SLC4A10: variants seen among roughly 807,000 people sequenced by gnomAD.
SLC4A10 encodes sodium-driven chloride bicarbonate exchanger.
In SLC4A10, 42 loss-of-function variants were observed where a neutral mutation model predicts 137.7. The ratio of observed to expected loss-of-function variants is 0.30; its 90% CI spans 0.24 to 0.39. The LOEUF (loss-of-function observed/expected upper bound fraction) is 0.39, where lower values mean the gene tolerates loss of function less well. Among genes scored for constraint, SLC4A10 ranks in the 10% least tolerant of loss-of-function variants. SLC4A10 has a pLI of 1.00. For synonymous variants in SLC4A10, 474 were observed against 464.1 expected, an observed-to-expected ratio of 1.02 and a Z score of -0.27; for missense variants, 925 against 1,355.0, an observed-to-expected ratio of 0.68 and a Z score of 4.98.
chr2:161,932,108 T>A (rs1690506337), intron 15 of SLC4A10, among the ~76,000 whole-genome samples: 1 of 152,202 alleles, frequency 6.6e-6, no homozygotes, highest in Non-Finnish European at 1.5e-5. Flanking sequence ...GGGCCTTTTT[T>A]TTCTGAGATA....
At chr2:161,703,085 G>A (rs922537800) in intron 1 of SLC4A10, among the ~76,000 whole-genome samples, 68 of 151,766 alleles carry the variant, frequency 4.5e-4, no homozygotes, top group African/African-American at 1.6e-3. Flanking sequence ...ACTGTAAATA[G>A]ATATAACCCT....
chr2:161,700,175 T>C (rs915748083), intron 1 of SLC4A10, among the ~76,000 whole-genome samples: 2 of 152,172 alleles, frequency 1.3e-5, no homozygotes, highest in Non-Finnish European at 2.9e-5. Flanking sequence ...TTGATGAGAT[T>C]GGAAAGATCT....
chr2:161,915,964 A>G (rs1687026893), intron 15 of SLC4A10, among the ~76,000 whole-genome samples: 2 of 152,158 alleles, frequency 1.3e-5, no homozygotes, highest in Non-Finnish European at 2.9e-5. Context: ...TATGATGCCA[A>G]GAGAGTGAGA....
Position 161,774,626 on chromosome 2 carries a change from G to A in SLC4A10, c.130+3572G>A, listed in dbSNP as rs552012613. 1.3e-3 allele frequency among the ~76,000 whole-genome samples: 204 copies of A among 151,916 alleles called. 1 individual carries two copies. The highest frequency in any genetic ancestry group is 1.6e-3 in the Non-Finnish European group (109 of 67,872). On this transcript the variant is annotated intron_variant, in intron 2 of 26. Coordinates refer to ENST00000446997, the MANE Select transcript of SLC4A10 (RefSeq NM_001178015.2). The stretch of plus-strand genomic sequence containing the variant: ...TTACTGAATGAGTACAACTCAATGA[G>A]TACATGACCCTGTAGTCAATGAAGG...
intron 15 of SLC4A10, among the ~76,000 whole-genome samples, chr2:161,909,251 A>G (rs1032228111): frequency 2.0e-5 from 3 of 151,856 alleles, no homozygotes; most frequent in African/African-American, 7.2e-5. Flanking sequence ...AATTAAATAT[A>G]TAAAAAAAAA....
chr2:161,743,598 T>C (rs959862402), intron 1 of SLC4A10, among the ~76,000 whole-genome samples: 1 of 152,040 alleles, frequency 6.6e-6, no homozygotes, highest in African/African-American at 2.4e-5. Context: ...GTTTTTGCTG[T>C]GGACAGCTCT....
chr2:161,680,783 G>C (rs1242170521), intron 1 of SLC4A10, among the ~76,000 whole-genome samples: 1 of 151,982 alleles, frequency 6.6e-6, no homozygotes, highest in Non-Finnish European at 1.5e-5. Flanking sequence ...ATTATGAAAT[G>C]AATAAGGAAT....
At chr2:161,720,019 T>C (rs1034824901) in intron 1 of SLC4A10, among the ~76,000 whole-genome samples, 1 of 152,236 alleles carries the variant, frequency 6.6e-6, no homozygotes, top group African/African-American at 2.4e-5. Context: ...AGGGTTTTTA[T>C]GGTTTTAGGT....
At chr2:161,776,671 C>CT (rs1306946229) in intron 2 of SLC4A10, among the ~76,000 whole-genome samples, 1 of 151,868 alleles carries the variant, frequency 6.6e-6, no homozygotes, top group Non-Finnish European at 1.5e-5. Flanking sequence ...GCAAATATCT[C>CT]TTTGAGATCT....
intron 15 of SLC4A10, among the ~76,000 whole-genome samples, chr2:161,916,552 T>C (rs1687152525): frequency 6.6e-6 from 1 of 152,238 alleles, no homozygotes; most frequent in African/African-American, 2.4e-5. Context: ...CAAAGCCCAC[T>C]GATGGCTTTG....
At chr2:161,966,393 A>T (rs995158707) in intron 23 of SLC4A10, among the ~76,000 whole-genome samples, 1 of 152,220 alleles carries the variant, frequency 6.6e-6, no homozygotes, top group Non-Finnish European at 1.5e-5. Flanking sequence ...ATGATATTAT[A>T]CAATTGTTAT....
chr2:161,779,770 G>C (rs2052799267), intron 2 of SLC4A10, among the ~76,000 whole-genome samples: 2 of 151,862 alleles, frequency 1.3e-5, no homozygotes, highest in Non-Finnish European at 2.9e-5. Context: ...ACCTTTATTT[G>C]CATGGCCTTT....
intron 3 of SLC4A10, among the ~76,000 whole-genome samples, chr2:161,834,603 G>T (rs1356792159): frequency 2.0e-5 from 3 of 150,568 alleles, no homozygotes; most frequent in African/African-American, 7.3e-5. Context: ...GATCATCATT[G>T]CTTTTAACCT....
intron 3 of SLC4A10, among the ~76,000 whole-genome samples, chr2:161,820,204 A>G (rs1027524485): frequency 1.5e-4 from 23 of 152,246 alleles, no homozygotes; most frequent in African/African-American, 4.8e-4. Context: ...TGAAGCAAAT[A>G]TAGAAAACAT....
At chr2:161,673,251 G>C (rs1310944390) in intron 1 of SLC4A10, among the ~76,000 whole-genome samples, 1 of 152,130 alleles carries the variant, frequency 6.6e-6, no homozygotes, top group East Asian at 1.9e-4. Flanking sequence ...TAGTTTCCCT[G>C]TCTCTAAAGT....
chr2:161,915,506 G>C (rs1686924249), intron 15 of SLC4A10, among the ~76,000 whole-genome samples: 1 of 152,178 alleles, frequency 6.6e-6, no homozygotes, highest in Non-Finnish European at 1.5e-5. Flanking sequence ...ATGGTGAGCA[G>C]CTTCCCCATA....
At chr2:161,833,902 CAT>C (rs1401963041) in intron 3 of SLC4A10, among the ~76,000 whole-genome samples, 1 of 152,208 alleles carries the variant, frequency 6.6e-6, no homozygotes, top group Non-Finnish European at 1.5e-5. Flanking sequence ...CTGGTGCACA[CAT>C]ATAAGTAAGA....
intron 1 of SLC4A10, among the ~76,000 whole-genome samples, chr2:161,719,211 T>C (rs1286872599): frequency 6.6e-6 from 1 of 152,130 alleles, no homozygotes; most frequent in Non-Finnish European, 1.5e-5. Flanking sequence ...GCTTCATCCA[T>C]GTCCCTACAA....
rs2046092407 is a variant in SLC4A10 at position 161,725,226 on chromosome 2, T to C, written c.49-45747T>C. Reference sequence around the variant, plus strand: ...TAGATTTTACATTTAACTAATATATTACCTTTGTAGTATGGCACATTGACT... The same window carrying C: ...TAGATTTTACATTTAACTAATATATCACCTTTGTAGTATGGCACATTGACT... On this transcript the variant is annotated intron_variant, in intron 1 of 26. Transcript: ENST00000446997. 2.0e-5 allele frequency among the ~76,000 whole-genome samples: 3 copies of C among 152,190 alleles called. No individual in the cohort carries two copies. In the South Asian group the frequency reaches 6.2e-4, roughly 31 times the overall value.
Sources: allele counts gnomAD v4.1 joint callset (sites outside exome capture counted in the v4.1 genomes callset), GRCh38; gene constraint gnomAD v4.1.1; transcripts MANE v1.5; gene names NCBI Gene and HGNC (gene_info 2026-07-23, HGNC 2026-07-21).